The following WDR88 variants were observed in gnomAD, a reference collection of about 807,000 sequenced individuals.
WDR88 encodes WD repeat domain 88.
Under a neutral mutation model 46.8 loss-of-function variants are expected in WDR88, and 40 were observed. That is an observed-to-expected ratio of 0.86 (90% CI 0.66 to 1.11). WDR88 has a LOEUF of 1.11. Among genes scored for constraint, WDR88 ranks in the 50% most tolerant of loss-of-function variants. WDR88 has a pLI of 0.00. For missense variants in WDR88, 562 were observed against 602.4 expected, an observed-to-expected ratio of 0.93 and a Z score of 0.70; for synonymous variants, 235 against 240.7, an observed-to-expected ratio of 0.98 and a Z score of 0.22.
Position 33,137,660 on chromosome 19 carries a change from G to A in WDR88, c.277-17G>A. On this transcript the variant is annotated splice_polypyrimidine_tract_variant and intron_variant, in intron 1 of 10. Transcript: ENST00000355868. ...TCCTGCAACATGTTTAGCTCATCTG[G>A]TCTCTCCTTTTTTCAGATCCCATTT... The A allele has an allele frequency of 6.2e-7, 1 of 1,606,192 alleles. No individual in the cohort carries two copies. Among genetic ancestry groups the A allele is most frequent in the Admixed American group, 1.7e-5 (1 of 59,838 alleles).
At chr19:33,151,146 C>T (rs746202500) in intron 5 of WDR88, 35 bp from the exon 6 acceptor site, 10 of 1,598,294 alleles carry the variant, frequency 6.3e-6, no homozygotes, top group East Asian at 2.3e-5. Context: ...AGGTGGAAGG[C>T]GTGGTCTCAA....
chr19:33,163,254 A>G (rs993831049), intron 8 of WDR88, among the ~76,000 whole-genome samples: 1 of 152,010 alleles, frequency 6.6e-6, no homozygotes, highest in African/African-American at 2.4e-5. Flanking sequence ...AATGGCGTGA[A>G]CTTGGGAGGC....
chr19:33,139,119 G>C (rs1382418660), intron 2 of WDR88, among the ~76,000 whole-genome samples: 1 of 152,224 alleles, frequency 6.6e-6, no homozygotes. Flanking sequence ...TGGTCACAGA[G>C]GACAGAAAGG....
chr19:33,137,625 T>C, intron 1 of WDR88, 52 bp from the exon 2 acceptor site: 1 of 1,443,872 alleles, frequency 6.9e-7, no homozygotes, highest in Non-Finnish European at 9.7e-7. Flanking sequence ...TGTTGTACAT[T>C]GATTTTGTGT....
At chr19:33,155,160 A>G (rs1265875170) in intron 6 of WDR88, among the ~76,000 whole-genome samples, 4 of 152,174 alleles carry the variant, frequency 2.6e-5, no homozygotes, top group African/African-American at 9.7e-5. Context: ...TTTTTTTCTG[A>G]GATAGAGTCT....
At chr19:33,174,210 A>G in intron 10 of WDR88, 1 of 1,536,550 alleles carries the variant, frequency 6.5e-7, no homozygotes, top group Non-Finnish European at 8.7e-7. Flanking sequence ...CTGAAGCTGA[A>G]GCAAGGATGA....
chr19:33,137,927 G>A, intron 2 of WDR88, 140 bp downstream of exon 2: 1 of 676,788 alleles, frequency 1.5e-6, no homozygotes, highest in Non-Finnish European at 2.4e-6. Flanking sequence ...AGTGCCAGAA[G>A]GAGGAGAGGG....
intron 6 of WDR88, 152 bp downstream of exon 6, chr19:33,151,462 G>C: frequency 1.0e-6 from 1 of 975,558 alleles, no homozygotes; most frequent in Non-Finnish European, 1.5e-6. Context: ...AGGCAGGAGG[G>C]AGCCATCAGC....
intron 1 of WDR88, among the ~76,000 whole-genome samples, chr19:33,135,978 C>T (rs1973257584): frequency 6.6e-6 from 1 of 152,080 alleles, no homozygotes; most frequent in Admixed American, 6.6e-5. Flanking sequence ...CAGCCTCTAC[C>T]TCCCAGGTTC....
intron 3 of WDR88, among the ~76,000 whole-genome samples, chr19:33,146,591 T>C (rs1973523965): frequency 6.6e-6 from 1 of 152,128 alleles, no homozygotes; most frequent in South Asian, 2.1e-4. Flanking sequence ...CAATCTTGGC[T>C]CACTGTAACC....
At chr19:33,135,718 G>A (rs1028013338) in intron 1 of WDR88, among the ~76,000 whole-genome samples, 2 of 151,964 alleles carry the variant, frequency 1.3e-5, no homozygotes, top group African/African-American at 4.8e-5. Context: ...GCGCCTGGCC[G>A]AACCGCCCGT....
At position 33,164,238 on chromosome 19, in the gene WDR88, C is replaced by G. The variant is rs1981827; in HGVS notation, c.1122C>G (p.Asn374Lys). 25 of 1,613,844 alleles carry G rather than the reference C, an allele frequency of 1.5e-5. No homozygotes were observed. The Admixed American group carries it at 3.2e-4, about 20-fold the overall frequency. Residue 374 changes from asparagine (N) to lysine (K), a missense_variant, in exon 9 of 11, where the codon AAC becomes AAG. Asn to Lys is a moderately conservative substitution (Grantham distance 94). Transcript: ENST00000355868. The stretch of plus-strand genomic sequence containing the variant: ...TGATGGATGTTGCCATTAGCAACAA[C>G]AAGAAATGGATCCTGTCTGCTTCCA... ...DWVMDVAISN[N>K]KKWILSASKD...
At chr19:33,147,210 G>A (rs558902229) in intron 3 of WDR88, among the ~76,000 whole-genome samples, 2 of 151,770 alleles carry the variant, frequency 1.3e-5, no homozygotes, top group Non-Finnish European at 2.9e-5. Flanking sequence ...GGACTGCAGC[G>A]TGGATGACAG....
At chr19:33,167,104 A>C (rs749259804) in intron 9 of WDR88, among the ~76,000 whole-genome samples, 1 of 152,198 alleles carries the variant, frequency 6.6e-6, no homozygotes, top group Admixed American at 6.5e-5. Context: ...AAGAACAAAC[A>C]TGACAATAAA....
chr19:33,153,879 T>C (rs900821943), intron 6 of WDR88, among the ~76,000 whole-genome samples: 2 of 152,206 alleles, frequency 1.3e-5, no homozygotes, highest in Non-Finnish European at 2.9e-5. Flanking sequence ...TCTGAAGATA[T>C]TTTTGTTGTC....
At chr19:33,137,965 G>A (rs1270687718) in intron 2 of WDR88, among the ~76,000 whole-genome samples, 178 bp downstream of exon 2, 1 of 152,170 alleles carries the variant, frequency 6.6e-6, no homozygotes, top group African/African-American at 2.4e-5. Flanking sequence ...CGAAGTTAGG[G>A]TGGCTGCTGC....
intron 10 of WDR88, chr19:33,174,778 G>A: frequency 1.0e-6 from 1 of 985,462 alleles, no homozygotes; most frequent in Non-Finnish European, 1.2e-6. Flanking sequence ...CAACTGTCAA[G>A]GGGCTTGCCA....
At position 33,151,188 on chromosome 19, in the gene WDR88, C is replaced by T. The variant is rs1390996134; in HGVS notation, c.687C>T (p.His229=). 2 of 1,613,568 alleles carry T rather than the reference C, an allele frequency of 1.2e-6. No homozygotes were observed. Among genetic ancestry groups the T allele is most frequent in the South Asian group, 1.1e-5 (1 of 90,878 alleles). ...ITTVSVIKDH[H]TRSITSCCFD... is the part of the protein sequence containing the mutation. ...TTCCTCCGTGTTCTGCAGATCATCA[C>T]ACAAGGTCCATCACGTCATGCTGCT... Residue 229 remains histidine (H), a synonymous_variant, in exon 6 of 11, where the codon CAC becomes CAT. Coordinates refer to ENST00000355868, the MANE Select transcript of WDR88 (RefSeq NM_173479.4).
intron 3 of WDR88, 75 bp from the exon 4 acceptor site, chr19:33,147,570 T>G: frequency 6.8e-7 from 1 of 1,476,396 alleles, no homozygotes; most frequent in Non-Finnish European, 9.4e-7. Flanking sequence ...ACCACTGCAC[T>G]CCAGCTGGGG....
Sources: allele counts gnomAD v4.1 joint callset (sites outside exome capture counted in the v4.1 genomes callset), GRCh38; gene constraint gnomAD v4.1.1; transcripts MANE v1.5; gene names NCBI Gene and HGNC (gene_info 2026-07-23, HGNC 2026-07-21).